The following GRIK2 variants were observed in gnomAD, a reference collection of about 807,000 sequenced individuals.
GRIK2 encodes the protein glutamate ionotropic receptor kainate type subunit 2, also known as glutamate receptor ionotropic, kainate 2.
In GRIK2, 32 loss-of-function variants were observed where a neutral mutation model predicts 100.3. The ratio of observed to expected loss-of-function variants is 0.32; its 90% CI spans 0.24 to 0.43. The LOEUF (loss-of-function observed/expected upper bound fraction) is 0.43, where lower values mean the gene tolerates loss of function less well. Ranked by LOEUF, GRIK2 falls within the 20% of genes least tolerant of loss-of-function variation. The probability of loss-of-function intolerance (pLI) is 1.00; values close to 1 mark genes in which losing one functional copy is unlikely to be tolerated. For missense variants in GRIK2, 843 were observed against 1,114.9 expected, an observed-to-expected ratio of 0.76 and a Z score of 3.47; for synonymous variants, 417 against 389.4, an observed-to-expected ratio of 1.07 and a Z score of -0.83.
intron 14 of GRIK2, among the ~76,000 whole-genome samples, chr6:101,987,788 A>T (rs1794102189): frequency 6.6e-6 from 1 of 151,538 alleles, no homozygotes; most frequent in African/African-American, 2.4e-5. Flanking sequence ...TAATCAACAT[A>T]AATACAATTT....
chr6:101,985,988 T>A (rs1466019672), intron 14 of GRIK2, among the ~76,000 whole-genome samples: 2 of 151,824 alleles, frequency 1.3e-5, no homozygotes, highest in Non-Finnish European at 2.9e-5. Context: ...CTGATGCTAT[T>A]AAAAAGTATT....
At chr6:101,553,615 G>A (rs543539899) in intron 2 of GRIK2, among the ~76,000 whole-genome samples, 1 of 152,226 alleles carries the variant, frequency 6.6e-6, no homozygotes, top group South Asian at 2.1e-4. Context: ...ACTAGATAGA[G>A]GCATTGACTT....
intron 4 of GRIK2, among the ~76,000 whole-genome samples, chr6:101,657,516 A>G (rs1028762987): frequency 6.6e-6 from 1 of 152,176 alleles, no homozygotes; most frequent in Admixed American, 6.6e-5. Context: ...CTGATTTCAA[A>G]TTAACATTAA....
intron 14 of GRIK2, among the ~76,000 whole-genome samples, chr6:101,990,085 G>A (rs1230890636): frequency 4.6e-5 from 7 of 151,498 alleles, no homozygotes; most frequent in Non-Finnish European, 7.4e-5. Flanking sequence ...AGTAATTGCA[G>A]TATATTTTGT....
intron 2 of GRIK2, among the ~76,000 whole-genome samples, chr6:101,602,913 C>T (rs906765008): frequency 1.3e-5 from 2 of 151,648 alleles, no homozygotes; most frequent in African/African-American, 4.8e-5. Flanking sequence ...TCTAATCAAA[C>T]AGAATTGTTT....
intron 10 of GRIK2, among the ~76,000 whole-genome samples, chr6:101,820,765 G>T (rs1781907645): frequency 6.6e-6 from 1 of 152,070 alleles, no homozygotes; most frequent in Admixed American, 6.6e-5. Context: ...TTTATGTTCT[G>T]CAGTAAAAAT....
intron 4 of GRIK2, among the ~76,000 whole-genome samples, chr6:101,660,289 A>C (rs1196800646): frequency 6.6e-6 from 1 of 151,984 alleles, no homozygotes; most frequent in African/African-American, 2.4e-5. Flanking sequence ...TGTATGCTTC[A>C]TGAAATTCTC....
chr6:101,935,446 T>C (rs1417172), intron 14 of GRIK2, among the ~76,000 whole-genome samples: 5,209 of 152,004 alleles, frequency 0.034, 317 homozygotes, highest in African/African-American at 0.12. Flanking sequence ...TGAACATTCA[T>C]CTTTTCTTTG....
chr6:101,955,152 G>A (rs970991660), intron 14 of GRIK2, among the ~76,000 whole-genome samples: 2 of 152,160 alleles, frequency 1.3e-5, no homozygotes, highest in Middle Eastern at 3.4e-3. Context: ...ATATTGATAT[G>A]TAGTTTGTTT....
At chr6:101,687,722 C>A (rs2128344736) in intron 7 of GRIK2, among the ~76,000 whole-genome samples, 1 of 151,772 alleles carries the variant, frequency 6.6e-6, no homozygotes, top group Admixed American at 6.6e-5. Context: ...CAAAATATAT[C>A]CGTATGAATT....
chr6:101,728,962 AT>A (rs66534885), intron 7 of GRIK2, among the ~76,000 whole-genome samples: 14,561 of 151,460 alleles, frequency 0.096, 836 homozygotes, highest in South Asian at 0.2. Flanking sequence ...ATTAAAAGCA[AT>A]TTTTTTTTGA....
chr6:101,668,639 C>G (rs1397583851), intron 4 of GRIK2, among the ~76,000 whole-genome samples: 2 of 152,002 alleles, frequency 1.3e-5, no homozygotes, highest in Non-Finnish European at 2.9e-5. Context: ...TAATACAATG[C>G]ATTTTGGGTT....
chr6:101,818,637 C>CAATGTTAATTAACTAACAAAAACTA (rs1781775791), intron 10 of GRIK2, among the ~76,000 whole-genome samples, 154 bp downstream of exon 10: 1 of 152,136 alleles, frequency 6.6e-6, no homozygotes, highest in African/African-American at 2.4e-5. Context: ...TTAATTTAGT[C>CAATGTTAATTAACTAACAAAAACTA]ACAGTTTTGT....
intron 7 of GRIK2, among the ~76,000 whole-genome samples, chr6:101,771,417 G>A (rs1454353833): frequency 1.3e-5 from 2 of 152,004 alleles, no homozygotes; most frequent in South Asian, 2.1e-4. Flanking sequence ...GAACACAGAT[G>A]TAAGAAATAA....
intron 14 of GRIK2, among the ~76,000 whole-genome samples, chr6:101,939,778 A>G (rs1790845429): frequency 6.6e-6 from 1 of 152,156 alleles, no homozygotes; most frequent in East Asian, 1.9e-4. Flanking sequence ...ACCAGAAAAT[A>G]AAAACCCAGC....
At chr6:101,587,842 T>C (rs534127859) in intron 2 of GRIK2, among the ~76,000 whole-genome samples, 23 of 152,184 alleles carry the variant, frequency 1.5e-4, no homozygotes, top group Non-Finnish European at 2.6e-4. Context: ...GAGGTTTCTA[T>C]GCACAGACAC....
chr6:101,617,412 GT>G (rs1779939747), intron 2 of GRIK2, among the ~76,000 whole-genome samples: 1 of 151,784 alleles, frequency 6.6e-6, no homozygotes, highest in Admixed American at 6.6e-5. Context: ...TTCATCTCAT[GT>G]TATTGCATGT....
rs577320261 is a variant in GRIK2, at chr6:101,703,862, A to T, written c.951+17509A>T. On this transcript the variant is annotated intron_variant, in intron 7 of 16. Coordinates refer to ENST00000369134, the MANE Select transcript of GRIK2 (RefSeq NM_021956.5). ...AAAAAAAAGAAGACAGAGTGTGGAA[A>T]TTCAGATGCAGGTGGGTGGATGAAT... Among the ~76,000 whole-genome samples the T allele has an allele frequency of 2.7e-4, 41 of 151,762 alleles. No homozygotes were observed. The South Asian group carries it at 6.6e-3, about 25-fold the overall frequency.
intron 14 of GRIK2, among the ~76,000 whole-genome samples, chr6:101,950,268 CCTTTT>C (rs1791528063): frequency 1.3e-5 from 2 of 152,026 alleles, no homozygotes; most frequent in South Asian, 4.2e-4. Flanking sequence ...AGATAATACT[CCTTTT>C]CTTGTTTTTT....
Sources: allele counts gnomAD v4.1 joint callset (sites outside exome capture counted in the v4.1 genomes callset), GRCh38; gene constraint gnomAD v4.1.1; transcripts MANE v1.5; gene names NCBI Gene and HGNC (gene_info 2026-07-23, HGNC 2026-07-21).